The following HSPG2 variants were observed in gnomAD, a reference collection of about 807,000 sequenced individuals.
HSPG2 encodes the protein heparan sulfate proteoglycan 2, also known as basement membrane-specific heparan sulfate proteoglycan core protein.
A neutral mutation model predicts 526.6 loss-of-function variants in HSPG2; 278 were observed. The ratio of observed to expected loss-of-function variants is 0.53; its 90% CI spans 0.48 to 0.58. The LOEUF (loss-of-function observed/expected upper bound fraction) is 0.58, where lower values mean the gene tolerates loss of function less well. HSPG2 is among the 20% of genes least tolerant of loss of function. HSPG2 has a pLI of 0.00. For missense variants in HSPG2, 5,354 were observed against 6,099.5 expected (o/e 0.88, Z 4.07); for synonymous variants, 2,465 against 2,555.4 (o/e 0.96, Z 1.07).
chr1:21,846,654 G>C, intron 62 of HSPG2, 55 bp from the exon 63 acceptor site: 1 of 1,599,312 alleles, frequency 6.3e-7, no homozygotes. Flanking sequence ...TTGGGAACAG[G>C]GTTGGTGGGA....
At chr1:21,873,844 T>C in intron 29 of HSPG2, 81 bp downstream of exon 29, 4 of 1,226,368 alleles carry the variant, frequency 3.3e-6, no homozygotes, top group South Asian at 1.4e-5. Flanking sequence ...TTCCTCTGGG[T>C]TGGGAGCGCT....
chr1:21,922,115 T>A (rs184238454), intron 1 of HSPG2, among the ~76,000 whole-genome samples: 1 of 152,108 alleles, frequency 6.6e-6, no homozygotes, highest in Non-Finnish European at 1.5e-5. Flanking sequence ...AAATAATAGT[T>A]CCCGTTATTT....
chr1:21,899,365 G>A (rs1642965303), intron 1 of HSPG2, among the ~76,000 whole-genome samples: 1 of 152,140 alleles, frequency 6.6e-6, no homozygotes, highest in South Asian at 2.1e-4. Flanking sequence ...CCCAGAAAGG[G>A]AAAGACCAGG....
chr1:21,841,748 C>T, intron 69 of HSPG2, 75 bp from the exon 70 acceptor site: 1 of 1,576,812 alleles, frequency 6.3e-7, no homozygotes, highest in Non-Finnish European at 8.7e-7. Context: ...CCAGCCTGTG[C>T]CCCTGGGCCC....
intron 44 of HSPG2, 61 bp downstream of exon 44, chr1:21,856,954 A>C (rs1639384993): frequency 1.4e-5 from 22 of 1,518,714 alleles, no homozygotes; most frequent in Non-Finnish European, 1.8e-5. Flanking sequence ...ATGCTGTGCT[A>C]ATTCTGGTGG....
At chr1:21,857,414 C>A in intron 42 of HSPG2, 29 bp from the exon 43 acceptor site, 14 of 1,600,238 alleles carry the variant, frequency 8.7e-6, no homozygotes, top group Non-Finnish European at 1.2e-5. Flanking sequence ...CCCCTGTGAG[C>A]CGGTGCTGGC....
At position 21,879,022 on chromosome 1, in the gene HSPG2, G is replaced by A; in HGVS notation, c.2443C>T (p.Pro815Ser). 6.2e-7 allele frequency: 1 copy of A among 1,614,202 alleles called. No individual in the cohort carries two copies. Among genetic ancestry groups the A allele is most frequent in the Middle Eastern group, 1.7e-4 (1 of 6,052 alleles). Residue 815 changes from proline to serine, a missense_variant, in exon 18 of 97, where the codon CCT becomes TCT. Transcript: ENST00000374695. ...CGGGAGGCATCGATGTATGGGCAAG[G>A]GCAGGGCCGGCAGGAAGTGGCCGTG... ...KATATSCRPCPCPYIDASRRF... is the reference protein window; with the variant it reads ...KATATSCRPCSCPYIDASRRF...
chr1:21,846,820 T>A (rs1052236644), intron 62 of HSPG2, among the ~76,000 whole-genome samples: 1 of 151,896 alleles, frequency 6.6e-6, no homozygotes, highest in African/African-American at 2.4e-5. Flanking sequence ...ACCAATATGG[T>A]GAAATCCTGT....
chr1:21,833,671 C>A, intron 78 of HSPG2, 57 bp from the exon 79 acceptor site: 1 of 1,607,484 alleles, frequency 6.2e-7, no homozygotes, highest in Non-Finnish European at 8.5e-7. Flanking sequence ...CAGGGGCCCA[C>A]CTCCCATCTG....
rs920923144 is a variant in HSPG2, at chr1:21,858,996, T to C, written c.5293+570A>G. ...CACAGCCTTTATGGACGCCCTCCCA[T>C]CCCTGTCTCACTTTTCCCTGGACGA... On this transcript the variant is annotated intron_variant, in intron 42 of 96. Coordinates refer to ENST00000374695, the MANE Select transcript of HSPG2 (RefSeq NM_005529.7). The surrounding 1 kb of genome is among the most constrained non-coding windows in gnomAD (Gnocchi z 4.2). 6.6e-6 allele frequency among the ~76,000 whole-genome samples: 1 copy of C among 152,084 alleles called. No homozygotes were observed. Among genetic ancestry groups the C allele is most frequent in the Non-Finnish European group, 1.5e-5 (1 of 68,014 alleles).
Position 21,827,894 on chromosome 1 carries a change from G to T in HSPG2, c.12558C>A (p.Ser4186=). 6.3e-7 allele frequency: 1 copy of T among 1,596,230 alleles called. No homozygotes were observed. Among genetic ancestry groups the T allele is most frequent in the East Asian group, 2.2e-5 (1 of 44,452 alleles). ...QQGSGHGIAE[S]DWHLEGSGGN... ...CCCCGCTGCCTTCAAGATGCCAGTC[G>T]GACTCTGCTATGCCATGTCCAGAGC... Residue 4186 remains serine, a synonymous_variant, in exon 91 of 97, where the codon TCC becomes TCA. Transcript: ENST00000374695.
Position 21,824,634 on chromosome 1 carries a change from T to A in HSPG2, c.12666-19A>T, listed in dbSNP as rs757259767. On this transcript the variant is annotated intron_variant, in intron 92 of 96. Coordinates refer to ENST00000374695, the MANE Select transcript of HSPG2 (RefSeq NM_005529.7). The surrounding 1 kb of genome is among the most constrained non-coding windows in gnomAD (Gnocchi z 5.9). The stretch of plus-strand genomic sequence containing the variant: ...GGGCAGGCTGCGGAGGAAGAGCGGG[T>A]GAGGGGACAGAAGTCCCAGATTCCC... 2 of 1,613,716 alleles carry A rather than the reference T, an allele frequency of 1.2e-6. No individual in the cohort carries two copies. The highest frequency in any genetic ancestry group is 2.2e-5 in the East Asian group (1 of 44,852).
At chr1:21,851,313 T>C (rs993576255) in intron 55 of HSPG2, 1 of 607,700 alleles carries the variant, frequency 1.6e-6, no homozygotes, top group African/African-American at 1.8e-5. Flanking sequence ...CCTGAAACTA[T>C]AGCACAGAGA....
chr1:21,918,467 T>TAA (rs36108181), intron 1 of HSPG2, among the ~76,000 whole-genome samples: 26 of 108,296 alleles, frequency 2.4e-4, no homozygotes, highest in African/African-American at 5.7e-4. Context: ...TCTGTGGGAA[T>TAA]AAAAAAAAAA....
intron 91 of HSPG2, chr1:21,825,165 G>A (rs2097966956): frequency 3.3e-6 from 1 of 302,920 alleles, no homozygotes; most frequent in African/African-American, 2.1e-5. Flanking sequence ...GAGATCACCA[G>A]ATCTTGTTAT....
chr1:21,859,712 T>A lies in HSPG2; in HGVS notation c.5183-36A>T, dbSNP rs754191200. ...GGAGACAAGAGCTTGTTGGTGCAGA[T>A]ACACTCTTTCTCACATCCAGCCCCA... On this transcript the variant is annotated intron_variant, in intron 41 of 96. Transcript: ENST00000374695. This position sits in a 1 kb window ranked among gnomAD's most constrained non-coding sequence, Gnocchi z 5.3. 2.5e-6 allele frequency: 4 copies of A among 1,587,164 alleles called. No homozygotes were observed. The highest frequency in any genetic ancestry group is 3.4e-6 in the Non-Finnish European group (4 of 1,165,248).
rs760742896 is a variant in HSPG2, at chr1:21,824,510, A to G, written c.12744+27T>C. 6.2e-7 allele frequency: 1 copy of G among 1,612,060 alleles called. No homozygotes were observed. Among genetic ancestry groups the G allele is most frequent in the South Asian group, 1.1e-5 (1 of 91,040 alleles). On this transcript the variant is annotated intron_variant, in intron 93 of 96. Coordinates refer to ENST00000374695, the MANE Select transcript of HSPG2 (RefSeq NM_005529.7). The surrounding 1 kb of genome is among the most constrained non-coding windows in gnomAD (Gnocchi z 5.9). ...CCAGCTTCCTGCCCCAGGAGCCCCA[A>G]GAGCCCAGCCGGATACCCACACTCA...
chr1:21,848,493 C>T lies in HSPG2; in HGVS notation c.7737+150G>A. ...GGTCAGGGAGCCTTATTTCTGTATT[C>T]TCAGCACTGGTCTAGGACCCATCCA... On this transcript the variant is annotated intron_variant, in intron 59 of 96. Transcript: ENST00000374695. This position sits in a 1 kb window ranked among gnomAD's most constrained non-coding sequence, Gnocchi z 4.9. The T allele has an allele frequency of 1.1e-6, 1 of 925,124 alleles. No individual in the cohort carries two copies. 57.3% of individuals were successfully genotyped at this position (925,124 alleles called of 1,614,324 possible).
rs557821484 is a variant in HSPG2 at position 21,828,849 on chromosome 1, C to T, written c.12223G>A (p.Gly4075Ser). 1.4e-5 allele frequency: 22 copies of T among 1,550,896 alleles called. No individual in the cohort carries two copies. The highest frequency in any genetic ancestry group is 4.9e-5 in the East Asian group (2 of 40,888). Residue 4075 changes from glycine to serine, a missense_variant, in exon 88 of 97, where the codon GGC becomes AGC. Physicochemically the swap from Gly to Ser is moderately conservative, Grantham distance 56. Transcript: ENST00000374695. The surrounding 1 kb of genome is among the most constrained non-coding windows in gnomAD (Gnocchi z 6.0). Reference protein sequence around the residue: ...PATNMSAHFRGCVGEVSVNGK... With the variant: ...PATNMSAHFRSCVGEVSVNGK... ...GCTGCTCTTACCTCGCCCACACAGC[C>T]GCGGAAGTGAGCGCTCATGTTGGTG...
Sources: allele counts gnomAD v4.1 joint callset (sites outside exome capture counted in the v4.1 genomes callset), GRCh38; gene constraint gnomAD v4.1.1; non-coding constraint Gnocchi (gnomAD v3.1); transcripts MANE v1.5; gene names NCBI Gene and HGNC (gene_info 2026-07-23, HGNC 2026-07-21).